The following LCORL variants were observed in gnomAD, a reference collection of about 807,000 sequenced individuals.
LCORL encodes the protein ligand dependent nuclear receptor corepressor like, also known as ligand-dependent nuclear receptor corepressor-like protein.
A neutral mutation model predicts 141.8 loss-of-function variants in LCORL; 41 were observed. The ratio of observed to expected loss-of-function variants is 0.29; its 90% confidence interval spans 0.23 to 0.38. The LOEUF is 0.38. Among genes scored for constraint, LCORL ranks in the 10% least tolerant of loss-of-function variants. The pLI is 1.00. For missense variants in LCORL, 1,759 were observed against 2,035.0 expected (o/e 0.86, Z 2.61); for synonymous variants, 618 against 694.1 (o/e 0.89, Z 1.72).
intron 7 of LCORL, among the ~76,000 whole-genome samples, chr4:17,849,901 C>A (rs1723421707): frequency 6.6e-6 from 1 of 151,666 alleles, no homozygotes; most frequent in South Asian, 2.1e-4. Context: ...CTACAGTAAC[C>A]AAAACAGCAT....
intron 1 of LCORL, among the ~76,000 whole-genome samples, chr4:17,985,578 C>A (rs956650537): frequency 4.6e-5 from 7 of 152,010 alleles, no homozygotes; most frequent in African/African-American, 1.7e-4. Flanking sequence ...TTTGACATTT[C>A]GATTGCAACC....
At chr4:18,003,859 C>T (rs1722371940) in intron 1 of LCORL, among the ~76,000 whole-genome samples, 1 of 152,182 alleles carries the variant, frequency 6.6e-6, no homozygotes, top group African/African-American at 2.4e-5. Flanking sequence ...AAAAATACCA[C>T]ATAAAGTTAC....
At position 17,883,622 on chromosome 4, in the gene LCORL, G is replaced by A. The variant is rs1192837413; in HGVS notation, c.776+2446C>T. ...CAGAGTGAGCATTTGTAATTCCCAC[G>A]TGTGTATATAGACACACAAATACAC... is the stretch of plus-strand genomic sequence containing the variant. On this transcript the variant is annotated intron_variant, in intron 6 of 7. Coordinates refer to ENST00000635767, the Ensembl canonical transcript of LCORL. 13 of 1,381,160 alleles carry A rather than the reference G, an allele frequency of 9.4e-6. No homozygotes were observed. The Admixed American group carries it at 9.5e-5, about 10-fold the overall frequency. The allele number at this position is 1,381,160 out of a possible 1,614,324, so 85.6% of individuals were successfully genotyped here. A position where few individuals can be genotyped will look rare whatever the true frequency, so the allele number is the denominator to read the frequency against.
chr4:18,008,731 A>G (rs752720230), intron 1 of LCORL, among the ~76,000 whole-genome samples: 2 of 152,196 alleles, frequency 1.3e-5, no homozygotes, highest in Non-Finnish European at 2.9e-5. Flanking sequence ...ATTATCTATC[A>G]TTATTTCAAG....
chr4:18,005,968 G>A (rs1722741609), intron 1 of LCORL, among the ~76,000 whole-genome samples: 1 of 152,328 alleles, frequency 6.6e-6, no homozygotes, highest in South Asian at 2.1e-4. Flanking sequence ...TCTGCAGTGG[G>A]CTTGAGTTTC....
chr4:17,915,015 A>G (rs1467374622), intron 4 of LCORL, among the ~76,000 whole-genome samples: 1 of 152,180 alleles, frequency 6.6e-6, no homozygotes, highest in African/African-American at 2.4e-5. Context: ...TGAAGTTTTC[A>G]TACTGGACAC....
chr4:17,969,835 T>A (rs927332774), intron 2 of LCORL, among the ~76,000 whole-genome samples: 3 of 152,148 alleles, frequency 2.0e-5, no homozygotes, highest in African/African-American at 7.2e-5. Context: ...TGATTAAAAT[T>A]AAGAGATTTC....
intron 7 of LCORL, among the ~76,000 whole-genome samples, chr4:17,862,750 A>G (rs1280622406): frequency 6.6e-6 from 1 of 152,236 alleles, no homozygotes; most frequent in African/African-American, 2.4e-5. Flanking sequence ...CTTCAATGTA[A>G]AACCTCAAAG....
In LCORL at chr4:17,879,158, T is replaced by C. The variant is rs115539947; in HGVS notation, c.777-945A>G. 2.7e-3 allele frequency among the ~76,000 whole-genome samples: 404 copies of C among 148,140 alleles called. 2 individuals are homozygous for C. Among genetic ancestry groups the C allele is most frequent in the African/African-American group, 9.2e-3 (354 of 38,552 alleles). On this transcript the variant is annotated intron_variant, in intron 6 of 7. Transcript: ENST00000635767. The stretch of plus-strand genomic sequence containing the variant: ...GAATAATGCTGATTATGAACTACTA[T>C]TGAAGAATGTATTTGTTTAAATGCA...
At chr4:17,843,547 G>A (rs1577221359) in exon 8 of LCORL, 9 of 1,103,220 alleles carry the variant, frequency 8.2e-6, no homozygotes, top group South Asian at 6.2e-5. Flanking sequence ...TCTGCTGTGC[G>A]CTTCCACGTT....
intron 5 of LCORL, among the ~76,000 whole-genome samples, chr4:17,895,033 A>AATAT (rs1193278184): frequency 2.7e-5 from 4 of 149,096 alleles, no homozygotes; most frequent in South Asian, 4.2e-4. Flanking sequence ...TTATATATAT[A>AATAT]ATATATATAA....
Position 17,954,227 on chromosome 4 carries a change from C to T in LCORL, c.430+7676G>A, listed in dbSNP as rs2109556025. ...TGAAAGAGTGACTGAGATGAATTAT[C>T]AATAGGGTGGTGAGGGCAGTGCATC... On this transcript the variant is annotated intron_variant, in intron 4 of 7. Coordinates refer to ENST00000635767, the Ensembl canonical transcript of LCORL. Among the ~76,000 whole-genome samples, 2 of 152,006 alleles carry T rather than the reference C, an allele frequency of 1.3e-5. 1 individual carries two copies. The highest frequency in any genetic ancestry group is 6.8e-3 in the Middle Eastern group (2 of 294).
chr4:17,982,516 C>T (rs1718197889), intron 1 of LCORL, among the ~76,000 whole-genome samples: 1 of 73,424 alleles, frequency 1.4e-5, no homozygotes, highest in African/African-American at 4.7e-5. Context: ...TTGCATTTCT[C>T]CATTATCAGT....
At chr4:18,006,975 T>C (rs1577716440) in intron 1 of LCORL, among the ~76,000 whole-genome samples, 1 of 152,322 alleles carries the variant, frequency 6.6e-6, no homozygotes, top group African/African-American at 2.4e-5. Flanking sequence ...TTTTTCTGTA[T>C]GGCCATATCT....
intron 4 of LCORL, among the ~76,000 whole-genome samples, chr4:17,926,647 G>A (rs1296519680): frequency 6.6e-6 from 1 of 152,144 alleles, no homozygotes; most frequent in East Asian, 1.9e-4. Flanking sequence ...AGCCTATTAT[G>A]GGACTTCACC....
At chr4:17,974,569 ACATTCCAAAGCC>A (rs1275687405) in intron 1 of LCORL, among the ~76,000 whole-genome samples, 3 of 152,174 alleles carry the variant, frequency 2.0e-5, no homozygotes, top group Non-Finnish European at 4.4e-5. Context: ...ATCACCTGGA[ACATTCCAAAGCC>A]CATTCCAAAG....
At chr4:17,953,226 T>C (rs750284495) in intron 4 of LCORL, among the ~76,000 whole-genome samples, 1 of 152,232 alleles carries the variant, frequency 6.6e-6, no homozygotes, top group East Asian at 1.9e-4. Flanking sequence ...TGGGCCTTTA[T>C]GGCAGAACAG....
intron 4 of LCORL, among the ~76,000 whole-genome samples, chr4:17,941,376 G>A (rs1737929764): frequency 6.6e-6 from 1 of 151,900 alleles, no homozygotes; most frequent in Non-Finnish European, 1.5e-5. Flanking sequence ...GGAGAATGGT[G>A]TGAACTCGGA....
At chr4:17,985,344 G>T (rs1380254571) in intron 1 of LCORL, among the ~76,000 whole-genome samples, 1 of 151,896 alleles carries the variant, frequency 6.6e-6, no homozygotes, top group Non-Finnish European at 1.5e-5. Context: ...CTCCCTTCAT[G>T]ATCTAATACC....
Sources: gnomAD v4.1 joint callset for allele counts (sites outside exome capture counted in the v4.1 genomes callset) on GRCh38, gnomAD v4.1.1 for gene constraint, MANE v1.5 for transcripts, NCBI Gene and HGNC (gene_info 2026-07-23, HGNC 2026-07-21) for gene names.